The following CDKN2A variants were observed in gnomAD, a reference collection of about 807,000 sequenced individuals.
The protein encoded by CDKN2A is cyclin dependent kinase inhibitor 2A.
Under a neutral mutation model 11.1 loss-of-function variants are expected in CDKN2A, and 3 were observed. That is an observed-to-expected ratio of 0.27 (90% confidence interval 0.12 to 0.70). The LOEUF (loss-of-function observed/expected upper bound fraction) is 0.70. Among genes scored for constraint, CDKN2A ranks in the 30% least tolerant of loss-of-function variants. The pLI is 0.77. For synonymous variants in CDKN2A, 122 were observed against 108.1 expected (o/e 1.13, Z -0.80); for missense variants, 265 against 233.6 (o/e 1.13, Z -0.88).
At chr9:21,993,404 A>G (rs1021861572) in intron 2 of CDKN2A, among the ~76,000 whole-genome samples, 1 of 152,218 alleles carries the variant, frequency 6.6e-6, no homozygotes, top group African/African-American at 2.4e-5. Context: ...GATGACTAAA[A>G]TACTATCAGT....
At chr9:21,994,021 C>A in exon 2 of CDKN2A, 2 of 1,163,706 alleles carry the variant, frequency 1.7e-6, no homozygotes, top group South Asian at 2.6e-5. Flanking sequence ...GAAGCCTCCA[C>A]CGGCGGTTAT....
intron 2 of CDKN2A, chr9:21,970,624 G>C (rs1168988231): frequency 1.7e-6 from 1 of 602,540 alleles, no homozygotes; most frequent in Non-Finnish European, 2.9e-6. Flanking sequence ...TCTAGGCCTT[G>C]AACTAGCAGA....
intron 2 of CDKN2A, among the ~76,000 whole-genome samples, chr9:21,981,951 C>T (rs773413618): frequency 2.0e-4 from 30 of 152,122 alleles, no homozygotes; most frequent in Non-Finnish European, 3.8e-4. Flanking sequence ...AACAATGTGT[C>T]CCTGGGAGTA....
intron 2 of CDKN2A, among the ~76,000 whole-genome samples, chr9:21,981,636 T>TC (rs33981107): frequency 0.014 from 2,088 of 151,670 alleles, 23 homozygotes; most frequent in Middle Eastern, 0.038. Flanking sequence ...AATGACTTTT[T>TC]TTTTTTTTTA....
Position 21,980,550 on chromosome 9 carries a change from T to G in CDKN2A, c.-3-9342A>C, listed in dbSNP as rs1230358262. ...TAGAATCATCATTCATAACTTTAGT[T>G]GAAAAAGAGTAACTGAGTACCTAAT... On this transcript the variant is annotated intron_variant, in intron 2 of 3. Transcript: ENST00000494262. 1.5e-4 allele frequency among the ~76,000 whole-genome samples: 23 copies of G among 152,176 alleles called. 1 individual carries two copies. Among genetic ancestry groups the G allele is most frequent in the Non-Finnish European group, 4.4e-5 (3 of 68,038 alleles).
At chr9:21,994,447 C>A (rs749901162) in intron 1 of CDKN2A, 2 of 1,559,594 alleles carry the variant, frequency 1.3e-6, no homozygotes, top group South Asian at 1.2e-5. Context: ...GCACCGCCCC[C>A]TGCCCATCTC....
At chr9:21,981,782 G>A (rs1820204221) in intron 2 of CDKN2A, among the ~76,000 whole-genome samples, 1 of 152,114 alleles carries the variant, frequency 6.6e-6, no homozygotes, top group Non-Finnish European at 1.5e-5. Flanking sequence ...TCCAATGTGG[G>A]TGGTAAGAGC....
rs1232118789 is a variant in CDKN2A, at chr9:21,974,393, A to G, written c.150+285T>C. The G allele has an allele frequency of 6.3e-7, 1 of 1,579,702 alleles. No individual in the cohort carries two copies. Among genetic ancestry groups the G allele is most frequent in the Non-Finnish European group, 8.6e-7 (1 of 1,160,364 alleles). On this transcript the variant is annotated intron_variant, in intron 1 of 2. Coordinates refer to ENST00000304494, the MANE Select transcript of CDKN2A (RefSeq NM_000077.5). This position sits in a 1 kb window ranked among gnomAD's most constrained non-coding sequence, Gnocchi z 5.2. ...AACGTTCGTAAATTTTGTATCTGAT[A>G]AAGAGCATACTTCCATCTAATACAA...
exon 2 of CDKN2A, chr9:21,993,884 A>G (rs1361703077): frequency 7.3e-6 from 4 of 547,072 alleles, no homozygotes; most frequent in Non-Finnish European, 1.3e-5. Context: ...GGACTCACTG[A>G]CTTCTGAGGT....
chr9:21,970,430 G>C (rs1048530703), intron 2 of CDKN2A: 8 of 354,982 alleles, frequency 2.3e-5, no homozygotes, highest in Non-Finnish European at 4.1e-5. Flanking sequence ...TTGTGCAGAA[G>C]AGCCGAGATC....
rs767642535 is a variant in CDKN2A at position 21,971,052 on chromosome 9, G to A, written c.307C>T (p.Arg103Trp). The change falls in exon 2 of 3, where the codon CGG becomes TGG. Residue 103 changes from arginine (R) to tryptophan (W), a missense_variant. Physicochemically the swap from Arg to Trp is moderately radical, Grantham distance 101. Coordinates refer to ENST00000304494, the MANE Select transcript of CDKN2A (RefSeq NM_000077.5). Reference sequence around the variant, plus strand: ...CCCCAGGCATCGCGCACGTCCAGCCGCGCCCCGGCCCGGTGCAGCACCACC... The same window carrying A: ...CCCCAGGCATCGCGCACGTCCAGCCACGCCCCGGCCCGGTGCAGCACCACC... ...TLVVLHRAGA[R>W]LDVRDAWGRL... 7.5e-6 allele frequency: 12 copies of A among 1,605,324 alleles called. No individual in the cohort carries two copies. The highest frequency in any genetic ancestry group is 2.2e-5 in the South Asian group (2 of 90,936).
chr9:21,985,583 G>C (rs1348670841), intron 2 of CDKN2A, among the ~76,000 whole-genome samples: 2 of 151,872 alleles, frequency 1.3e-5, no homozygotes, highest in African/African-American at 2.4e-5. Context: ...GATTCCTTTG[G>C]AAATTATTAT....
intron 2 of CDKN2A, among the ~76,000 whole-genome samples, chr9:21,983,339 T>C (rs1016615028): frequency 1.3e-5 from 2 of 152,088 alleles, no homozygotes; most frequent in African/African-American, 2.4e-5. Context: ...ACTTCTTCCT[T>C]TTTCTTTGCT....
At chr9:21,973,691 A>G (rs1211321231) in intron 1 of CDKN2A, among the ~76,000 whole-genome samples, 1 of 152,218 alleles carries the variant, frequency 6.6e-6, no homozygotes, top group African/African-American at 2.4e-5. Context: ...AAACTATATC[A>G]AGTAAGCTAA....
At chr9:21,974,898 C>G (rs1819974323), upstream of CDKN2A, 1 of 1,449,174 alleles carries the variant, frequency 6.9e-7, no homozygotes, top group Non-Finnish European at 9.0e-7. The surrounding 1 kb of genome is among the most constrained non-coding windows in gnomAD (Gnocchi z 5.2). Flanking sequence ...TCCGCCCCAC[C>G]CTCTGGTGAC....
At chr9:21,989,246 A>G (rs888370648) in intron 2 of CDKN2A, 1 of 152,196 alleles carries the variant, frequency 6.6e-6, no homozygotes, top group African/African-American at 2.4e-5. Context: ...GACCCTTTAA[A>G]AGGACCTTTT....
At chr9:21,970,314 C>T (rs1819645811) in intron 2 of CDKN2A, 1 of 242,532 alleles carries the variant, frequency 4.1e-6, no homozygotes, top group Non-Finnish European at 8.0e-6. Context: ...CCAGGGTCAG[C>T]GAAGTCTTGG....
upstream of CDKN2A, among the ~76,000 whole-genome samples, chr9:21,976,747 A>C (rs2131119004): frequency 6.6e-6 from 1 of 152,206 alleles, no homozygotes. Flanking sequence ...GAAAGAAAGA[A>C]AGACCAAGAA....
intron 2 of CDKN2A, chr9:21,989,604 C>T (rs1473280184): frequency 1.3e-5 from 2 of 152,202 alleles, no homozygotes; most frequent in East Asian, 1.9e-4. Flanking sequence ...CGCACTTTCC[C>T]CGTGGTTCCT....
Sources: gnomAD v4.1 joint callset for allele counts (sites outside exome capture counted in the v4.1 genomes callset) on GRCh38, gnomAD v4.1.1 for gene constraint, Gnocchi (gnomAD v3.1) non-coding constraint, MANE v1.5 for transcripts, NCBI Gene and HGNC (gene_info 2026-07-23, HGNC 2026-07-21) for gene names.